The following ZNF407 variants were observed in gnomAD, a reference collection of about 807,000 sequenced individuals.
ZNF407 encodes zinc finger protein 407.
Under a neutral mutation model 131.2 loss-of-function variants are expected in ZNF407, and 17 were observed. The ratio of observed to expected loss-of-function variants is 0.13; its 90% confidence interval spans 0.09 to 0.19. The LOEUF (loss-of-function observed/expected upper bound fraction) is 0.19, where lower values mean the gene tolerates loss of function less well. Ranked by LOEUF, ZNF407 falls within the 10% of genes least tolerant of loss-of-function variation. The probability of loss-of-function intolerance (pLI) is 1.00; values close to 1 mark genes in which losing one functional copy is unlikely to be tolerated. For missense variants in ZNF407, 2,681 were observed against 2,830.6 expected (o/e 0.95, Z 1.20); for synonymous variants, 1,156 against 1,062.0 (o/e 1.09, Z -1.72).
Position 74,715,366 on chromosome 18 carries a change from T to C in ZNF407, c.4803-66062T>C, listed in dbSNP as rs146845748. On this transcript the variant is annotated intron_variant, in intron 3 of 8. Transcript: ENST00000299687. ...TGAAATGTGACTCTACGCTGGGTAT[T>C]GTGCCAGACTCTGGCATATTGTGGC... Among the ~76,000 whole-genome samples, 1,376 of 152,370 alleles carry C rather than the reference T, an allele frequency of 9.0e-3. 7 individuals are homozygous for C. The highest frequency in any genetic ancestry group is 0.027 in the Middle Eastern group (8 of 294).
chr18:74,625,280 T>C (rs1416128815), intron 1 of ZNF407, among the ~76,000 whole-genome samples: 2 of 152,168 alleles, frequency 1.3e-5, no homozygotes, highest in Non-Finnish European at 2.9e-5. Flanking sequence ...GTCATTCTTT[T>C]TGTCTGTAAA....
chr18:74,874,358 T>C (rs1971126666), intron 4 of ZNF407, among the ~76,000 whole-genome samples: 1 of 152,234 alleles, frequency 6.6e-6, no homozygotes, highest in Non-Finnish European at 1.5e-5. Flanking sequence ...TTTAATATAC[T>C]GTAAATTCAG....
chr18:74,676,631 T>C (rs1301938367), intron 3 of ZNF407, among the ~76,000 whole-genome samples: 1 of 151,898 alleles, frequency 6.6e-6, no homozygotes, highest in South Asian at 2.1e-4. Context: ...AGACGGGGTT[T>C]CACCGTGTTA....
rs192780750 is a variant in ZNF407, at chr18:75,064,000, G to A, written c.6279G>A (p.Ala2093=). 546 of 1,611,020 alleles carry A rather than the reference G, an allele frequency of 3.4e-4. 2 individuals are homozygous for A. In the East Asian group the frequency reaches 7.7e-3, roughly 23 times the overall value. ...VLQFAVCDTA[A]AGQLVKDGVT... is the part of the protein sequence containing the mutation. ...AGTTTGCTGTGTGTGACACGGCCGC[G>A]GCCGGCCAGTTGGTCAAGGACGGTG... is the stretch of plus-strand genomic sequence containing the variant. Residue 2093 remains alanine (A), a synonymous_variant, in exon 9 of 9, where the codon GCG becomes GCA. Transcript: ENST00000299687. The surrounding 1 kb of genome is among the most constrained non-coding windows in gnomAD (Gnocchi z 6.6).
rs377567431 is a variant in ZNF407, at chr18:75,054,947, G to C, written c.5429-8203G>C. ...CGTGTTCTCAGCCATTGTCACTAAT[G>C]CTCACACACGTGTCGGCACACAGGA... is the stretch of plus-strand genomic sequence containing the variant. On this transcript the variant is annotated intron_variant, in intron 8 of 8. Transcript: ENST00000299687. Among the ~76,000 whole-genome samples the C allele has an allele frequency of 1.0e-3, 153 of 152,314 alleles. 6 individuals carry two copies. In the South Asian group the frequency reaches 0.03, roughly 30 times the overall value.
At chr18:74,732,361 G>T (rs1319219573) in intron 3 of ZNF407, among the ~76,000 whole-genome samples, 2 of 152,124 alleles carry the variant, frequency 1.3e-5, no homozygotes, top group Non-Finnish European at 2.9e-5. Context: ...TTTGGACTTG[G>T]TTCAGAGGTT....
intron 4 of ZNF407, among the ~76,000 whole-genome samples, chr18:74,838,483 C>G (rs960920150): frequency 6.6e-6 from 1 of 152,168 alleles, no homozygotes; most frequent in African/African-American, 2.4e-5. Flanking sequence ...TTCTTTTCTT[C>G]ATTTCCCCCT....
chr18:74,998,962 T>G (rs1421392077), intron 8 of ZNF407, among the ~76,000 whole-genome samples: 2 of 11,246 alleles, frequency 1.8e-4, no homozygotes, highest in Admixed American at 8.9e-4. Context: ...TGTCCAACAA[T>G]GATAGACTGG....
chr18:74,975,768 T>C (rs573933132), intron 8 of ZNF407, among the ~76,000 whole-genome samples: 10 of 152,304 alleles, frequency 6.6e-5, no homozygotes, highest in Non-Finnish European at 1.3e-4. Flanking sequence ...TGGGACATGA[T>C]AATGGGATAA....
chr18:74,821,720 G>A (rs181556739), intron 4 of ZNF407, among the ~76,000 whole-genome samples: 15 of 152,190 alleles, frequency 9.9e-5, no homozygotes, highest in East Asian at 1.9e-4. Flanking sequence ...GAATAGTGCC[G>A]CAATAAACAT....
At chr18:74,610,635 C>T (rs775771973) in intron 1 of ZNF407, among the ~76,000 whole-genome samples, 7 of 152,096 alleles carry the variant, frequency 4.6e-5, no homozygotes, top group African/African-American at 1.4e-4. Context: ...CTGCAACCTC[C>T]GCCTCCCTGG....
intron 8 of ZNF407, among the ~76,000 whole-genome samples, chr18:74,950,651 A>G (rs958420848): frequency 6.6e-6 from 1 of 152,218 alleles, no homozygotes; most frequent in Non-Finnish European, 1.5e-5. Flanking sequence ...CATTACGATA[A>G]CATTGCCACT....
Position 74,631,500 on chromosome 18 carries a change from G to T in ZNF407, c.481G>T (p.Asp161Tyr). 3.1e-6 allele frequency: 5 copies of T among 1,613,894 alleles called. No individual in the cohort carries two copies. The highest frequency in any genetic ancestry group is 4.2e-6 in the Non-Finnish European group (5 of 1,179,888). The change falls in exon 2 of 9, where the codon GAT becomes TAT. Residue 161 changes from aspartate to tyrosine, a missense_variant. Transcript: ENST00000299687. ...ATCTGCTCAGGAAATGGTTTCCCTT[G>T]ATCTGGAAAGAGAATCTCCTTTCCC... ...KTSAQEMVSL[D>Y]LERESPFPPK...
chr18:74,682,150 A>C (rs1966999385), intron 3 of ZNF407, among the ~76,000 whole-genome samples: 1 of 152,218 alleles, frequency 6.6e-6, no homozygotes, highest in Non-Finnish European at 1.5e-5. Context: ...CAAAGATGGA[A>C]AGGGGACAGT....
chr18:74,757,810 G>T (rs543442873), intron 3 of ZNF407, among the ~76,000 whole-genome samples: 104 of 152,146 alleles, frequency 6.8e-4, no homozygotes, highest in Non-Finnish European at 1.3e-3. Context: ...TATTTTGGAG[G>T]CTTTGTTATT....
At chr18:74,926,418 G>A (rs1216849584) in intron 8 of ZNF407, among the ~76,000 whole-genome samples, 1 of 152,176 alleles carries the variant, frequency 6.6e-6, no homozygotes, top group Non-Finnish European at 1.5e-5. Context: ...TGTTTACTGA[G>A]AAGCAGATCT....
intron 3 of ZNF407, among the ~76,000 whole-genome samples, chr18:74,707,626 C>G (rs1033682698): frequency 7.2e-5 from 11 of 152,158 alleles, no homozygotes; most frequent in Non-Finnish European, 1.3e-4. Context: ...TTCAAGGAAT[C>G]AGGTGTTCAT....
At chr18:74,657,508 A>G (rs1374516816) in intron 3 of ZNF407, among the ~76,000 whole-genome samples, 1 of 152,194 alleles carries the variant, frequency 6.6e-6, no homozygotes, top group Non-Finnish European at 1.5e-5. Flanking sequence ...AAACCTGGTT[A>G]CTTAACCATT....
At chr18:74,974,472 C>T (rs922396596) in intron 8 of ZNF407, among the ~76,000 whole-genome samples, 8 of 152,032 alleles carry the variant, frequency 5.3e-5, no homozygotes. Flanking sequence ...CTCACTTTTT[C>T]CCCCCAAGTA....
Sources: gnomAD v4.1 joint callset for allele counts (sites outside exome capture counted in the v4.1 genomes callset) on GRCh38, gnomAD v4.1.1 for gene constraint, Gnocchi (gnomAD v3.1) non-coding constraint, MANE v1.5 for transcripts, NCBI Gene and HGNC (gene_info 2026-07-23, HGNC 2026-07-21) for gene names.